Variants in TRAPPC9 observed in about 807,000 individuals in gnomAD.
The protein encoded by TRAPPC9 is trafficking protein particle complex subunit 9, also known as IKK2 binding protein.
TRAPPC9 carries 83 observed loss-of-function variants against 124.0 expected under a neutral mutation model. That is an observed-to-expected ratio of 0.67 (90% CI 0.56 to 0.80). The LOEUF (loss-of-function observed/expected upper bound fraction) is 0.80. TRAPPC9 is among the 30% of genes least tolerant of loss of function. The pLI is 0.00. For missense variants in TRAPPC9, 1,302 were observed against 1,508.3 expected (o/e 0.86, Z 2.27); for synonymous variants, 638 against 617.5 (o/e 1.03, Z -0.49).
At chr8:139,874,499 C>T (rs912414126) in intron 21 of TRAPPC9, among the ~76,000 whole-genome samples, 2 of 152,180 alleles carry the variant, frequency 1.3e-5, no homozygotes, top group African/African-American at 4.8e-5. Flanking sequence ...TGGGCCCAGG[C>T]GAGGCACAAA....
intron 19 of TRAPPC9, among the ~76,000 whole-genome samples, chr8:139,916,967 G>A (rs1832175244): frequency 6.6e-6 from 1 of 152,142 alleles, no homozygotes; most frequent in Non-Finnish European, 1.5e-5. Context: ...ATGCTGTTTT[G>A]CAAAGAAGTA....
intron 21 of TRAPPC9, among the ~76,000 whole-genome samples, chr8:139,794,061 C>T (rs999385621): frequency 1.9e-4 from 29 of 152,106 alleles, no homozygotes; most frequent in African/African-American, 7.0e-4. Flanking sequence ...CTGCTGACCC[C>T]CTTCCTGCCC....
At chr8:140,011,861 A>G (rs1839159523) in intron 18 of TRAPPC9, among the ~76,000 whole-genome samples, 1 of 151,670 alleles carries the variant, frequency 6.6e-6, no homozygotes, top group Non-Finnish European at 1.5e-5. Context: ...TATTTTTTGT[A>G]GAGACAGGGT....
In TRAPPC9 at chr8:139,737,466, T is replaced by TCCCCACC. The variant is rs765720342; in HGVS notation, c.3056-5265_3056-5264insGGTGGGG. Among the ~76,000 whole-genome samples the TCCCCACC allele has an allele frequency of 7.3e-5, 3 of 41,368 alleles. 1 individual carries two copies. The highest frequency in any genetic ancestry group is 2.3e-4 in the African/African-American group (3 of 12,954). 27.1% of individuals were successfully genotyped at this position (41,368 alleles called of 152,430 possible). On this transcript the variant is annotated intron_variant, in intron 21 of 22. Transcript: ENST00000438773. Reference sequence around the variant, plus strand: ...GCCTTCAGGCGGGGGTCATCAGCCCTCCCCCCCCCCCCACGGAAAACCCTG... The same window carrying TCCCCACC: ...GCCTTCAGGCGGGGGTCATCAGCCCTCCCCACCCCCCCCCCCCCCACGGAAAACCCTG...
intron 17 of TRAPPC9, among the ~76,000 whole-genome samples, chr8:140,209,821 C>T (rs545165760): frequency 2.6e-5 from 4 of 152,272 alleles, no homozygotes; most frequent in East Asian, 3.9e-4. Flanking sequence ...TGAATTGAGA[C>T]AGAATGTTTT....
chr8:139,887,003 G>C (rs971468333), intron 20 of TRAPPC9, among the ~76,000 whole-genome samples: 4 of 152,138 alleles, frequency 2.6e-5, no homozygotes. Context: ...TGGCTCATGG[G>C]GGAGTCGGGC....
intron 20 of TRAPPC9, among the ~76,000 whole-genome samples, chr8:139,908,945 T>G (rs1436046756): frequency 6.6e-6 from 1 of 152,228 alleles, no homozygotes; most frequent in Non-Finnish European, 1.5e-5. Flanking sequence ...CCAAGCACTC[T>G]ATTTTTCATG....
At chr8:140,058,030 C>T (rs1034118879) in intron 17 of TRAPPC9, among the ~76,000 whole-genome samples, 1 of 152,200 alleles carries the variant, frequency 6.6e-6, no homozygotes, top group Non-Finnish European at 1.5e-5. Context: ...TTTTTCTAAG[C>T]GCATTGCATA....
chr8:139,926,700 C>G (rs568114393), intron 19 of TRAPPC9, among the ~76,000 whole-genome samples: 3 of 150,766 alleles, frequency 2.0e-5, no homozygotes, highest in African/African-American at 7.3e-5. Flanking sequence ...GCCTGGGTGA[C>G]AGGGTGAGAC....
chr8:140,388,931 C>T (rs1300057580), intron 7 of TRAPPC9, among the ~76,000 whole-genome samples: 1 of 147,522 alleles, frequency 6.8e-6, no homozygotes, highest in Non-Finnish European at 1.5e-5. Flanking sequence ...AGTGAGTAAT[C>T]TAGACACAGA....
chr8:140,141,559 C>A (rs1025844800), intron 17 of TRAPPC9, among the ~76,000 whole-genome samples: 1 of 152,210 alleles, frequency 6.6e-6, no homozygotes, highest in Admixed American at 6.5e-5. Flanking sequence ...ACCCATGAGT[C>A]CTTCTAGATA....
intron 4 of TRAPPC9, among the ~76,000 whole-genome samples, chr8:140,432,212 C>T (rs545215378): frequency 4.6e-5 from 7 of 151,954 alleles, no homozygotes; most frequent in African/African-American, 1.4e-4. Context: ...AAAAAGGTAA[C>T]AAATTTAATT....
At chr8:139,919,845 G>T (rs185913979) in intron 19 of TRAPPC9, among the ~76,000 whole-genome samples, 1 of 152,160 alleles carries the variant, frequency 6.6e-6, no homozygotes, top group East Asian at 1.9e-4. Context: ...AAGGCAGCAC[G>T]GTCTCCATGC....
intron 17 of TRAPPC9, among the ~76,000 whole-genome samples, chr8:140,161,902 G>C (rs887297384): frequency 6.6e-6 from 1 of 152,130 alleles, no homozygotes; most frequent in Non-Finnish European, 1.5e-5. Flanking sequence ...ATGGTGCAGA[G>C]ACACACACAA....
chr8:140,181,781 T>TC (rs1189215768), intron 17 of TRAPPC9, among the ~76,000 whole-genome samples: 2 of 152,174 alleles, frequency 1.3e-5, no homozygotes, highest in African/African-American at 2.4e-5. Flanking sequence ...CTCATGGTGG[T>TC]CTGCCTCCTT....
chr8:139,889,826 C>G (rs2131144498), intron 20 of TRAPPC9, among the ~76,000 whole-genome samples: 1 of 152,310 alleles, frequency 6.6e-6, no homozygotes, highest in East Asian at 1.9e-4. Flanking sequence ...CCTGCGGCCC[C>G]CTCGTCCTTC....
At chr8:140,208,628 C>G (rs1409727773) in intron 17 of TRAPPC9, among the ~76,000 whole-genome samples, 1 of 152,234 alleles carries the variant, frequency 6.6e-6, no homozygotes, top group African/African-American at 2.4e-5. Flanking sequence ...GAGGTCATTT[C>G]ATTTGCTTTC....
chr8:140,263,088 C>T (rs1395146309), intron 15 of TRAPPC9, among the ~76,000 whole-genome samples: 2 of 152,250 alleles, frequency 1.3e-5, no homozygotes, highest in East Asian at 3.9e-4. Context: ...CCCCAGTGCC[C>T]GATACGATGG....
At chr8:140,393,021 T>A (rs1270049913) in intron 7 of TRAPPC9, among the ~76,000 whole-genome samples, 1 of 147,566 alleles carries the variant, frequency 6.8e-6, no homozygotes, top group Non-Finnish European at 1.5e-5. Context: ...AATATTATCA[T>A]TCCCATTTTA....
Sources: allele counts gnomAD v4.1 joint callset (sites outside exome capture counted in the v4.1 genomes callset), GRCh38; gene constraint gnomAD v4.1.1; transcripts MANE v1.5; gene names NCBI Gene and HGNC (gene_info 2026-07-23, HGNC 2026-07-21).